Variants in RMND5A observed in about 807,000 individuals in gnomAD.
The protein encoded by RMND5A is required for meiotic nuclear division 5 homolog A.
In RMND5A, 17 loss-of-function variants were observed where a neutral mutation model predicts 49.7. The ratio of observed to expected loss-of-function variants is 0.34; its 90% CI spans 0.23 to 0.51. The LOEUF is 0.51. Among genes scored for constraint, RMND5A ranks in the 20% least tolerant of loss-of-function variants. The pLI, the probability that RMND5A is intolerant of heterozygous loss-of-function variation, is 0.96. For synonymous variants in RMND5A, 156 were observed against 167.7 expected (o/e 0.93, Z 0.54); for missense variants, 255 against 471.3 (o/e 0.54, Z 4.25).
chr2:86,721,752 G>A (rs1681230614), intron 1 of RMND5A, among the ~76,000 whole-genome samples: 1 of 150,528 alleles, frequency 6.6e-6, no homozygotes, highest in Admixed American at 6.6e-5. Flanking sequence ...AGGCTGAGGG[G>A]GCTTTTCAGC....
chr2:86,760,081 G>A (rs765546978), intron 4 of RMND5A, among the ~76,000 whole-genome samples: 11 of 151,048 alleles, frequency 7.3e-5, no homozygotes, highest in Non-Finnish European at 1.3e-4. Context: ...TTTCACTCTT[G>A]TTGCCCAGGC....
chr2:86,729,133 C>G (rs551660400), intron 1 of RMND5A, among the ~76,000 whole-genome samples: 1 of 152,326 alleles, frequency 6.6e-6, no homozygotes, highest in African/African-American at 2.4e-5. Flanking sequence ...CACTCTGTGT[C>G]CAGTGGTCTG....
chr2:86,757,912 G>A, intron 4 of RMND5A, among the ~76,000 whole-genome samples: 1 of 152,204 alleles, frequency 6.6e-6, no homozygotes, highest in African/African-American at 2.4e-5. Flanking sequence ...CATGTGGAAG[G>A]CACATGAGCT....
rs1182103627 is a variant in RMND5A, at chr2:86,726,523, A to C, written c.142+5714A>C. On this transcript the variant is annotated intron_variant, in intron 1 of 8. Transcript: ENST00000283632. ...AAAATAGTATATCAGTAGGTCATAA[A>C]TAAAAGTTTGGGAGGACATTGTTCA... 4.1e-5 allele frequency among the ~76,000 whole-genome samples: 3 copies of C among 73,434 alleles called. 1 individual carries two copies. Among genetic ancestry groups the C allele is most frequent in the Non-Finnish European group, 8.0e-5 (3 of 37,388 alleles). The allele number at this position is 73,434 out of a possible 152,430, so 48.2% of individuals were successfully genotyped here.
intron 4 of RMND5A, among the ~76,000 whole-genome samples, chr2:86,756,848 A>ATGCGG (rs971904720): frequency 6.6e-6 from 1 of 152,158 alleles, no homozygotes; most frequent in Non-Finnish European, 1.5e-5. Flanking sequence ...CAGACTGCCT[A>ATGCGG]TGCGGTGAGA....
chr2:86,759,442 G>A (rs1292919509), intron 4 of RMND5A, among the ~76,000 whole-genome samples: 1 of 152,142 alleles, frequency 6.6e-6, no homozygotes, highest in African/African-American at 2.4e-5. Context: ...TAGTGGCAGA[G>A]ATCAGTGTAA....
chr2:86,747,143 A>G (rs1176375584), intron 2 of RMND5A, among the ~76,000 whole-genome samples: 2 of 152,164 alleles, frequency 1.3e-5, no homozygotes, highest in African/African-American at 2.4e-5. Flanking sequence ...AAACACCTAT[A>G]ACACTTCCTG....
At chr2:86,755,070 A>G (rs1315858836) in intron 4 of RMND5A, among the ~76,000 whole-genome samples, 1 of 152,182 alleles carries the variant, frequency 6.6e-6, no homozygotes, top group Non-Finnish European at 1.5e-5. Context: ...AAATTCAACC[A>G]AATACCTCTA....
intron 4 of RMND5A, among the ~76,000 whole-genome samples, chr2:86,762,718 CATATATATCATATATATCATATA>C (rs1558725601): frequency 3.5e-5 from 1 of 28,950 alleles, no homozygotes; most frequent in Non-Finnish European, 7.3e-5. Flanking sequence ...TCATATATAT[CATATATATCATATATATCATATA>C]TATATATCAC....
Position 86,777,542 on chromosome 2 carries a change from A to T in RMND5A, c.*4131A>T, listed in dbSNP as rs1672789847. The stretch of plus-strand genomic sequence containing the variant: ...TTCCTTCTCTGTGTTTTCTAAACTT[A>T]CACTAAAGGATTCATCAAATCATCT... On this transcript the variant is annotated 3_prime_UTR_variant, in exon 9 of 9. Coordinates refer to ENST00000283632, the MANE Select transcript of RMND5A (RefSeq NM_022780.4). 1 of 152,194 alleles carries T rather than the reference A, an allele frequency of 6.6e-6. No homozygotes were observed. Among genetic ancestry groups the T allele is most frequent in the African/African-American group, 2.4e-5 (1 of 41,442 alleles). The allele number at this position is 152,194 out of a possible 1,614,324, so 9.4% of individuals were successfully genotyped here. A position where few individuals can be genotyped will look rare whatever the true frequency, so the allele number is the denominator to read the frequency against.
chr2:86,753,028 G>T (rs538083310), intron 3 of RMND5A, among the ~76,000 whole-genome samples: 3 of 152,116 alleles, frequency 2.0e-5, no homozygotes, highest in African/African-American at 7.2e-5. Context: ...CACAGAAATC[G>T]GTAGTAAGAC....
At chr2:86,743,054 A>G (rs913064047) in intron 2 of RMND5A, among the ~76,000 whole-genome samples, 2 of 152,182 alleles carry the variant, frequency 1.3e-5, no homozygotes, top group Non-Finnish European at 2.9e-5. Context: ...TTGTCCTGTC[A>G]TGATGATCAG....
At position 86,751,948 on chromosome 2, in the gene RMND5A, A is replaced by G; in HGVS notation, c.338A>G (p.Asp113Gly). The change falls in exon 3 of 9, where the codon GAC (aspartate) becomes GGC (glycine). Residue 113 changes from aspartate to glycine, a missense_variant. This residue lies in a region of RMND5A where 208 missense variants were observed against 339.8 expected (regional missense o/e 0.61). Coordinates refer to ENST00000283632, the MANE Select transcript of RMND5A (RefSeq NM_022780.4). Reference protein sequence around the residue: ...SVGIDGCWQADSQRLLNEVMV... With the variant: ...SVGIDGCWQAGSQRLLNEVMV... ...GGAATAGATGGCTGCTGGCAGGCAG[A>G]CAGCCAAAGGCTTCTCAATGAGGTG... 1 of 1,613,642 alleles carries G rather than the reference A, an allele frequency of 6.2e-7. No homozygotes were observed.
rs201043371 is a variant in RMND5A at position 86,765,062 on chromosome 2, A to G, written c.557A>G (p.Gln186Arg). 6.2e-7 allele frequency: 1 copy of G among 1,612,650 alleles called. No individual in the cohort carries two copies. The highest frequency in any genetic ancestry group is 8.5e-7 in the Non-Finnish European group (1 of 1,179,524). Residue 186 changes from glutamine to arginine, a missense_variant, in exon 5 of 9, where the codon CAA becomes CGA. Gln to Arg is a conservative substitution (Grantham distance 43). Coordinates refer to ENST00000283632, the MANE Select transcript of RMND5A (RefSeq NM_022780.4). ...TCAAACCGGGAAATGCTTATAGCTC[A>G]AAACAGCTCCTTGGAATTTAAGCTA... The part of the protein sequence containing the change: ...AVSNREMLIA[Q>R]NSSLEFKLHR...
chr2:86,755,024 T>G (rs1473477232), intron 4 of RMND5A, among the ~76,000 whole-genome samples: 1 of 152,200 alleles, frequency 6.6e-6, no homozygotes, highest in Non-Finnish European at 1.5e-5. Flanking sequence ...TAGAATTTGT[T>G]TAAGCAAATT....
chr2:86,721,665 TC>T (rs1681227344), intron 1 of RMND5A, among the ~76,000 whole-genome samples: 1 of 151,940 alleles, frequency 6.6e-6, no homozygotes, highest in Non-Finnish European at 1.5e-5. Context: ...GGTTTGGTTT[TC>T]TTACACTTTA....
At chr2:86,766,595 C>T (rs1046185826) in intron 6 of RMND5A, among the ~76,000 whole-genome samples, 8 of 140,716 alleles carry the variant, frequency 5.7e-5, no homozygotes, top group Admixed American at 5.5e-4. Context: ...ACCCAGGAGG[C>T]GGAGGTTGCT....
In RMND5A at chr2:86,725,865, G is replaced by T. The variant is rs1184044245; in HGVS notation, c.142+5056G>T. Among the ~76,000 whole-genome samples, 2 of 77,414 alleles carry T rather than the reference G, an allele frequency of 2.6e-5. 1 individual carries two copies. Among genetic ancestry groups the T allele is most frequent in the African/African-American group, 9.8e-5 (2 of 20,368 alleles). 50.8% of individuals were successfully genotyped at this position (77,414 alleles called of 152,430 possible). On this transcript the variant is annotated intron_variant, in intron 1 of 8. Transcript: ENST00000283632. ...GGAGTGATCAACATATACTGTATTA[G>T]CACCTAAAACTCCTTTGGTGTGTGT... is the stretch of plus-strand genomic sequence containing the variant.
intron 2 of RMND5A, among the ~76,000 whole-genome samples, chr2:86,750,293 G>C (rs1681611162): frequency 6.6e-6 from 1 of 152,216 alleles, no homozygotes; most frequent in Non-Finnish European, 1.5e-5. Context: ...TTTAGAGCAA[G>C]TCTGATGGCA....
Sources: gnomAD v4.1 joint callset for allele counts (sites outside exome capture counted in the v4.1 genomes callset) on GRCh38, gnomAD v4.1.1 for gene constraint, gnomAD v4.1.1 regional missense constraint, MANE v1.5 for transcripts, NCBI Gene and HGNC (gene_info 2026-07-23, HGNC 2026-07-21) for gene names.